ZC3H3: variants seen among roughly 807,000 people sequenced by gnomAD.
ZC3H3 encodes zinc finger CCCH-type containing 3.
ZC3H3 carries 36 observed loss-of-function variants against 77.3 expected under a neutral mutation model. The ratio of observed to expected loss-of-function variants is 0.47; its 90% CI spans 0.36 to 0.61. The LOEUF (loss-of-function observed/expected upper bound fraction) is 0.61, where lower values mean the gene tolerates loss of function less well. ZC3H3 is among the 20% of genes least tolerant of loss of function. The pLI is 0.00. For synonymous variants in ZC3H3, 626 were observed against 555.2 expected, an observed-to-expected ratio of 1.13 and a Z score of -1.79; for missense variants, 1,331 against 1,312.2, an observed-to-expected ratio of 1.01 and a Z score of -0.22.
At chr8:143,448,521 C>T (rs377682543) in intron 9 of ZC3H3, among the ~76,000 whole-genome samples, 4 of 152,222 alleles carry the variant, frequency 2.6e-5, no homozygotes, top group Admixed American at 2.6e-4. Flanking sequence ...AAAATCATCT[C>T]CTTTGACTCT....
At chr8:143,490,571 T>C (rs144346504) in intron 4 of ZC3H3, among the ~76,000 whole-genome samples, 1 of 152,340 alleles carries the variant, frequency 6.6e-6, no homozygotes, top group African/African-American at 2.4e-5. Flanking sequence ...AGGTTAATCA[T>C]GTTTTGGGGT....
chr8:143,497,425 G>A (rs1320177252), intron 4 of ZC3H3, among the ~76,000 whole-genome samples: 1 of 152,170 alleles, frequency 6.6e-6, no homozygotes, highest in Non-Finnish European at 1.5e-5. Flanking sequence ...TGCCCCCGAA[G>A]GTGCAGCCAT....
At chr8:143,491,236 C>G (rs1402247660) in intron 4 of ZC3H3, among the ~76,000 whole-genome samples, 2 of 152,218 alleles carry the variant, frequency 1.3e-5, no homozygotes, top group Non-Finnish European at 2.9e-5. Flanking sequence ...GGCCCTTGAG[C>G]TCCCTCCCCG....
At chr8:143,471,691 G>A (rs1431863155) in intron 5 of ZC3H3, among the ~76,000 whole-genome samples, 1 of 152,072 alleles carries the variant, frequency 6.6e-6, no homozygotes, top group Non-Finnish European at 1.5e-5. Context: ...GAAGCTGGGG[G>A]TAGAAGCCAT....
rs758428820 is a variant in ZC3H3 at position 143,539,050 on chromosome 8, G to A, written c.317C>T (p.Pro106Leu). ...CTGTCTCTCAAGGACATGCTGCTGC[G>A]GGACAGGAGGCTGGCCCCCCCGGGC... is the stretch of plus-strand genomic sequence containing the variant. ...HGARGGQPPV[P>L]QQHVLERQVQ... Residue 106 changes from proline (P) to leucine (L), a missense_variant, in exon 2 of 12, where the codon CCG becomes CTG. Transcript: ENST00000262577. The A allele has an allele frequency of 2.1e-5, 34 of 1,612,902 alleles. No individual in the cohort carries two copies. The highest frequency in any genetic ancestry group is 1.0e-4 in the Admixed American group (6 of 60,006).
chr8:143,476,745 G>A lies in ZC3H3; in HGVS notation c.1716-1160C>T, dbSNP rs534620559. Among the ~76,000 whole-genome samples the A allele has an allele frequency of 5.3e-5, 8 of 152,354 alleles. No individual in the cohort carries two copies. In the South Asian group the frequency reaches 1.4e-3, roughly 28 times the overall value. On this transcript the variant is annotated intron_variant, in intron 4 of 11. Transcript: ENST00000262577. ...GACCAGTCAAGTGGGAGGCGAGGAC[G>A]GGCAGCTCAGGCCTGGCACAGGGCT...
chr8:143,538,561 T>G lies in ZC3H3; in HGVS notation c.806A>C (p.His269Pro), dbSNP rs372607481. ...LLGDRRVDAG[H>P]TDQPVPSGSV... ...GCCAGACGGAACTGGCTGATCTGTG[T>G]GGCCAGCATCTACTCTCCTGTCCCC... The change falls in exon 2 of 12, where the codon CAC becomes CCC. Residue 269 changes from histidine to proline, a missense_variant. By Grantham distance (77) the His-to-Pro change is moderately conservative. Around this residue, in one of 3 missense-constraint regions of ZC3H3, gnomAD observed 978 missense variants for 915.5 expected, o/e 1.07. Transcript: ENST00000262577. The G allele has an allele frequency of 6.2e-7, 1 of 1,611,406 alleles. No individual in the cohort carries two copies.
In ZC3H3 at chr8:143,440,242, C is replaced by G. The variant is rs761197045; in HGVS notation, c.2614G>C (p.Ala872Pro). 2.0e-5 allele frequency: 32 copies of G among 1,590,112 alleles called. No individual in the cohort carries two copies. Among genetic ancestry groups the G allele is most frequent in the Middle Eastern group, 1.8e-4 (1 of 5,432 alleles). The change falls in exon 11 of 12, where the codon GCT (alanine) becomes CCT (proline). Residue 872 changes from alanine (A) to proline (P), a missense_variant. By Grantham distance (27) the Ala-to-Pro change is conservative (BLOSUM62 -1). This residue lies in a region of ZC3H3 where 249 missense variants were observed against 236.9 expected (regional missense o/e 1.05). Coordinates refer to ENST00000262577, the MANE Select transcript of ZC3H3 (RefSeq NM_015117.3). The stretch of plus-strand genomic sequence containing the variant: ...GAGGAGGAGGAGGAGGAGGAGGAAG[C>G]CTTCGAGGATGAGGGAGAGGCTGAC... The part of the protein sequence containing the change: ...GGSASPSSSK[A>P]SSSSSSSSSP...
chr8:143,534,949 C>CCCT (rs1389739167), intron 3 of ZC3H3, among the ~76,000 whole-genome samples: 1 of 152,140 alleles, frequency 6.6e-6, no homozygotes, highest in Non-Finnish European at 1.5e-5. Flanking sequence ...CAACGCCCTG[C>CCCT]CCTCCCGCGG....
intron 5 of ZC3H3, among the ~76,000 whole-genome samples, chr8:143,471,274 G>A (rs1253548985): frequency 6.6e-6 from 1 of 152,270 alleles, no homozygotes; most frequent in African/African-American, 2.4e-5. Flanking sequence ...CATGGAGGCT[G>A]TGCCCTTGGG....
At chr8:143,537,208 C>G (rs1190143135) in intron 2 of ZC3H3, among the ~76,000 whole-genome samples, 3 of 152,320 alleles carry the variant, frequency 2.0e-5, no homozygotes, top group East Asian at 1.9e-4. Context: ...ATCACAAGTC[C>G]GCAAGGGTGG....
intron 3 of ZC3H3, among the ~76,000 whole-genome samples, chr8:143,511,301 C>A (rs969396486): frequency 6.6e-6 from 1 of 152,228 alleles, no homozygotes; most frequent in Non-Finnish European, 1.5e-5. Context: ...TCTCCTCGGA[C>A]AATTCCAACA....
chr8:143,506,379 A>G (rs912126633), intron 4 of ZC3H3, among the ~76,000 whole-genome samples: 24 of 152,352 alleles, frequency 1.6e-4, no homozygotes, highest in African/African-American at 4.8e-4. Context: ...TATTAAGTAA[A>G]TTAATTTAAG....
intron 9 of ZC3H3, among the ~76,000 whole-genome samples, chr8:143,463,401 A>G (rs1402254738): frequency 6.6e-6 from 1 of 152,210 alleles, no homozygotes; most frequent in African/African-American, 2.4e-5. Flanking sequence ...ACTGTCAGGC[A>G]CATCATAAGG....
Position 143,538,579 on chromosome 8 carries a change from C to A in ZC3H3, c.788G>T (p.Arg263Met). 1 of 1,610,910 alleles carries A rather than the reference C, an allele frequency of 6.2e-7. No homozygotes were observed. Among genetic ancestry groups the A allele is most frequent in the Non-Finnish European group, 8.5e-7 (1 of 1,180,010 alleles). ...ASCAPQLLGD[R>M]RVDAGHTDQP... Reference sequence around the variant, plus strand: ...ATCTGTGTGGCCAGCATCTACTCTCCTGTCCCCAAGGAGCTGTGGAGCACA... The same window carrying A: ...ATCTGTGTGGCCAGCATCTACTCTCATGTCCCCAAGGAGCTGTGGAGCACA... The change falls in exon 2 of 12, where the codon AGG (arginine) becomes ATG (methionine). Residue 263 changes from arginine (R) to methionine (M), a missense_variant. Physicochemically the swap from Arg to Met is moderately conservative, Grantham distance 91 (BLOSUM62 -1). This residue lies in a region of ZC3H3 where 978 missense variants were observed against 915.5 expected (regional missense o/e 1.07). Transcript: ENST00000262577.
rs141889525 is a variant in ZC3H3, at chr8:143,482,346, A to G, written c.1716-6761T>C. 3.0e-3 allele frequency among the ~76,000 whole-genome samples: 450 copies of G among 152,342 alleles called. 1 individual carries two copies. Among genetic ancestry groups the G allele is most frequent in the Non-Finnish European group, 4.9e-3 (331 of 68,016 alleles). On this transcript the variant is annotated intron_variant, in intron 4 of 11. Transcript: ENST00000262577. ...AATGAGCACAGGGGCCGTATCTGCA[A>G]AGACCACTGCTGCACCCCTGGCCCT...
Position 143,470,577 on chromosome 8 carries a change from G to A in ZC3H3, c.1904-1918C>T, listed in dbSNP as rs571749863. Among the ~76,000 whole-genome samples, 128 of 152,330 alleles carry A rather than the reference G, an allele frequency of 8.4e-4. 1 individual carries two copies. Among genetic ancestry groups the A allele is most frequent in the African/African-American group, 3.0e-3 (126 of 41,578 alleles). On this transcript the variant is annotated intron_variant, in intron 5 of 11. Coordinates refer to ENST00000262577, the MANE Select transcript of ZC3H3 (RefSeq NM_015117.3). ...ATGCGGCGGTCTGTCGGCACTGCTGGTTCCCAGTCTCTCGCCCAGGCTGCC... is the reference window on the plus strand; with the variant it reads ...ATGCGGCGGTCTGTCGGCACTGCTGATTCCCAGTCTCTCGCCCAGGCTGCC...
rs538680151 is a variant in ZC3H3, at chr8:143,500,654, G to A, written c.1715+7092C>T. ...AGGTGAGGGTTTTCTTATGGCAGAA[G>A]GCAAGCAGGTGCCTGAGATTGAGAG... On this transcript the variant is annotated intron_variant, in intron 4 of 11. Coordinates refer to ENST00000262577, the MANE Select transcript of ZC3H3 (RefSeq NM_015117.3). Among the ~76,000 whole-genome samples, 7 of 152,318 alleles carry A rather than the reference G, an allele frequency of 4.6e-5. No homozygotes were observed. In the East Asian group the frequency reaches 1.4e-3, roughly 29 times the overall value.
intron 4 of ZC3H3, among the ~76,000 whole-genome samples, chr8:143,507,026 C>T (rs1821717958): frequency 6.6e-6 from 1 of 152,246 alleles, no homozygotes; most frequent in African/African-American, 2.4e-5. Flanking sequence ...CTGCCTGCTT[C>T]CCATCTGCCT....
Sources: allele counts gnomAD v4.1 joint callset (sites outside exome capture counted in the v4.1 genomes callset), GRCh38; gene constraint gnomAD v4.1.1; regional missense constraint gnomAD v4.1.1; transcripts MANE v1.5; gene names NCBI Gene and HGNC (gene_info 2026-07-23, HGNC 2026-07-21).